The following DIPK1B variants were observed in gnomAD, a reference collection of about 807,000 sequenced individuals.
The protein encoded by DIPK1B is family with sequence similarity 69 member B.
Under a neutral mutation model 20.7 loss-of-function variants are expected in DIPK1B, and 17 were observed. The ratio of observed to expected loss-of-function variants is 0.82; its 90% CI spans 0.56 to 1.23. The LOEUF is 1.23. DIPK1B is among the 50% of genes most tolerant of loss of function. DIPK1B has a pLI of 0.00. For synonymous variants in DIPK1B, 343 were observed against 276.5 expected (o/e 1.24, Z -2.39); for missense variants, 648 against 601.8 (o/e 1.08, Z -0.80).
chr9:136,721,918 CAG>C lies in DIPK1B; in HGVS notation c.199-2_199-1del. The C allele has an allele frequency of 1.9e-6, 3 of 1,612,836 alleles. No individual in the cohort carries two copies. Among genetic ancestry groups the C allele is most frequent in the Non-Finnish European group, 2.5e-6 (3 of 1,179,824 alleles). Reference sequence around the variant, plus strand: ...CCCGGCACGCCTGCACCTGTCTCCTCAGTGTGACCAGTACCGCAAGGGGATCA... The same window carrying C: ...CCCGGCACGCCTGCACCTGTCTCCTCTGTGACCAGTACCGCAAGGGGATCA... On this transcript the variant is annotated splice_acceptor_variant, in intron 2 of 4. Coordinates refer to ENST00000371692, the MANE Select transcript of DIPK1B (RefSeq NM_152421.4). LOFTEE classifies it high-confidence loss of function.
rs889065415 is a variant in DIPK1B at position 136,724,454 on chromosome 9, A to T, written c.*680A>T. Among the ~76,000 whole-genome samples, 5 of 152,188 alleles carry T rather than the reference A, an allele frequency of 3.3e-5. No homozygotes were observed. Among genetic ancestry groups the T allele is most frequent in the African/African-American group, 1.2e-4 (5 of 41,446 alleles). On this transcript the variant is annotated 3_prime_UTR_variant, in exon 5 of 5. Transcript: ENST00000371692. Reference sequence around the variant, plus strand: ...GAATGGCCATCTTCTCCAGCCCCGTACGCTCTCCCCAGTAGCCCAGGGCAC... The same window carrying T: ...GAATGGCCATCTTCTCCAGCCCCGTTCGCTCTCCCCAGTAGCCCAGGGCAC...
intron 1 of DIPK1B, among the ~76,000 whole-genome samples, chr9:136,714,580 C>G (rs766337744): frequency 6.6e-6 from 1 of 152,226 alleles, no homozygotes; most frequent in Non-Finnish European, 1.5e-5. Flanking sequence ...TCACCCCAGA[C>G]GGAGCCATCC....
intron 1 of DIPK1B, among the ~76,000 whole-genome samples, chr9:136,713,431 G>T (rs986577829): frequency 6.6e-6 from 1 of 152,212 alleles, no homozygotes; most frequent in Non-Finnish European, 1.5e-5. Flanking sequence ...CCGCAGGGTG[G>T]TCCTGGGTCA....
intron 1 of DIPK1B, among the ~76,000 whole-genome samples, chr9:136,714,090 C>T (rs1452180883): frequency 1.3e-5 from 2 of 152,210 alleles, no homozygotes; most frequent in Admixed American, 6.5e-5. Context: ...CCAGGGTGGG[C>T]CAGGGAGCAC....
At chr9:136,717,972 T>C (rs988931408) in intron 2 of DIPK1B, among the ~76,000 whole-genome samples, 9 of 65,424 alleles carry the variant, frequency 1.4e-4, no homozygotes, top group African/African-American at 5.4e-4. Flanking sequence ...ACGTGGGGGC[T>C]GGGGGCAGAA....
At position 136,722,259 on chromosome 9, in the gene DIPK1B, C is replaced by T; in HGVS notation, c.441C>T (p.Thr147=). 1 of 1,613,874 alleles carries T rather than the reference C, an allele frequency of 6.2e-7. No individual in the cohort carries two copies. The highest frequency in any genetic ancestry group is 1.1e-5 in the South Asian group (1 of 91,080). The part of the protein sequence containing the change: ...LVLFDKPTRG[T]SIKEFREMTL... ...TGTTTGACAAGCCCACCCGGGGCAC[C>T]TCCATCAAGGAATTCCGGGAGATGA... The change falls in exon 4 of 5, where the codon ACC becomes ACT. Residue 147 remains threonine, a synonymous_variant. Coordinates refer to ENST00000371692, the MANE Select transcript of DIPK1B (RefSeq NM_152421.4).
chr9:136,719,728 C>A (rs147614991), intron 2 of DIPK1B, among the ~76,000 whole-genome samples: 1 of 152,336 alleles, frequency 6.6e-6, no homozygotes, highest in Non-Finnish European at 1.5e-5. Flanking sequence ...ATCTCCCCAC[C>A]CCTGGGGGAC....
Position 136,723,816 on chromosome 9 carries a change from A to C in DIPK1B, c.*42A>C, listed in dbSNP as rs777712279. ...CTGGCCACCCTTCCTGGAGCTGGCC[A>C]GGTGCCAGGGTCCAACCCTCCCTCA... On this transcript the variant is annotated 3_prime_UTR_variant, in exon 5 of 5. Coordinates refer to ENST00000371692, the MANE Select transcript of DIPK1B (RefSeq NM_152421.4). 2 of 1,516,340 alleles carry C rather than the reference A, an allele frequency of 1.3e-6. No individual in the cohort carries two copies. The highest frequency in any genetic ancestry group is 2.4e-5 in the South Asian group (2 of 82,720). 93.9% of individuals were successfully genotyped at this position (1,516,340 alleles called of 1,614,324 possible). A position where few individuals can be genotyped will look rare whatever the true frequency, so the allele number is the denominator to read the frequency against.
chr9:136,717,884 CA>C (rs1337903555), intron 2 of DIPK1B, among the ~76,000 whole-genome samples, 173 bp downstream of exon 2: 1 of 143,014 alleles, frequency 7.0e-6, no homozygotes, highest in African/African-American at 2.6e-5. Context: ...GACAGGGGTC[CA>C]GGGGAGGACG....
At position 136,722,990 on chromosome 9, in the gene DIPK1B, C is replaced by T. The variant is rs140488435; in HGVS notation, c.512C>T (p.Pro171Leu). 5.3e-4 allele frequency: 845 copies of T among 1,608,494 alleles called. No individual in the cohort carries two copies. The highest frequency in any genetic ancestry group is 6.9e-4 in the Non-Finnish European group (812 of 1,176,126). Reference protein sequence around the residue: ...KANLGDLPSLPALVGQVLLMA... With the variant: ...KANLGDLPSLLALVGQVLLMA... ...AACCTGGGAGACCTGCCTTCCCTGC[C>T]GGCGCTGGTTGGCCAGGTCCTGCTC... The change falls in exon 5 of 5, where the codon CCG becomes CTG. Residue 171 changes from proline to leucine, a missense_variant. Transcript: ENST00000371692.
Position 136,722,048 on chromosome 9 carries a change from G to A in DIPK1B, c.306+20G>A, listed in dbSNP as rs201790209. The A allele has an allele frequency of 1.0e-3, 1,623 of 1,613,180 alleles. 1 individual carries two copies. The highest frequency in any genetic ancestry group is 1.3e-3 in the Non-Finnish European group (1,516 of 1,179,842). On this transcript the variant is annotated intron_variant, in intron 3 of 4. Transcript: ENST00000371692. ...CAGCAGGTATAGCCACTGGCAGGGC[G>A]GGTGGGCCTGGGGCTGATACTGCCC...
intron 1 of DIPK1B, among the ~76,000 whole-genome samples, chr9:136,713,927 G>A (rs1031885929): frequency 6.6e-6 from 1 of 152,210 alleles, no homozygotes; most frequent in African/African-American, 2.4e-5. Context: ...CCACTGTGCT[G>A]TTCCCATCCC....
rs1021364634 is a variant in DIPK1B at position 136,724,224 on chromosome 9, A to G, written c.*450A>G. Among the ~76,000 whole-genome samples, 1 of 152,094 alleles carries G rather than the reference A, an allele frequency of 6.6e-6. No individual in the cohort carries two copies. The highest frequency in any genetic ancestry group is 6.5e-5 in the Admixed American group (1 of 15,274). On this transcript the variant is annotated 3_prime_UTR_variant, in exon 5 of 5. Coordinates refer to ENST00000371692, the MANE Select transcript of DIPK1B (RefSeq NM_152421.4). ...GAGCTGCCTGCCCTTCAACCCACAC[A>G]CACCTCTGAAGCCGCCAGGGCAGTT...
Position 136,723,651 on chromosome 9 carries a change from A to G in DIPK1B, c.1173A>G (p.Thr391=), listed in dbSNP as rs1445514970. The G allele has an allele frequency of 2.6e-6, 4 of 1,561,430 alleles. No homozygotes were observed. The highest frequency in any genetic ancestry group is 3.5e-6 in the Non-Finnish European group (4 of 1,156,074). ...APADLREELG[T]QLRTCTTLSG... ...CCGACCTCCGCGAGGAGCTGGGCAC[A>G]CAGCTGCGCACCTGTACCACGCTGA... Residue 391 remains threonine, a synonymous_variant, in exon 5 of 5, where the codon ACA becomes ACG. Coordinates refer to ENST00000371692, the MANE Select transcript of DIPK1B (RefSeq NM_152421.4).
chr9:136,715,537 C>T (rs1465508342), intron 1 of DIPK1B, among the ~76,000 whole-genome samples: 7 of 149,472 alleles, frequency 4.7e-5, no homozygotes, highest in South Asian at 4.2e-4. Context: ...TTTTTTGAGA[C>T]GGAGCCTCAC....
chr9:136,716,601 A>G lies in DIPK1B; in HGVS notation c.64-976A>G, dbSNP rs532360587. Among the ~76,000 whole-genome samples, 282 of 151,584 alleles carry G rather than the reference A, an allele frequency of 1.9e-3. 1 individual carries two copies. The highest frequency in any genetic ancestry group is 6.6e-3 in the African/African-American group (271 of 41,290). ...ATTTTTGTAGAGGCGGGGTTTCCCT[A>G]TGTTGCCCAGGATGGTCTCAAACTC... On this transcript the variant is annotated intron_variant, in intron 1 of 4. Coordinates refer to ENST00000371692, the MANE Select transcript of DIPK1B (RefSeq NM_152421.4).
rs746826792 is a variant in DIPK1B at position 136,721,908 on chromosome 9, C to T, written c.199-13C>T. 42 of 1,611,858 alleles carry T rather than the reference C, an allele frequency of 2.6e-5. No homozygotes were observed. The highest frequency in any genetic ancestry group is 3.6e-5 in the Non-Finnish European group (42 of 1,179,558). On this transcript the variant is annotated splice_polypyrimidine_tract_variant and intron_variant, in intron 2 of 4. Coordinates refer to ENST00000371692, the MANE Select transcript of DIPK1B (RefSeq NM_152421.4). ...GGCTGCCCCGCCCGGCACGCCTGCA[C>T]CTGTCTCCTCAGTGTGACCAGTACC...
At chr9:136,719,584 G>A (rs2131044149) in intron 2 of DIPK1B, among the ~76,000 whole-genome samples, 1 of 152,376 alleles carries the variant, frequency 6.6e-6, no homozygotes, top group Non-Finnish European at 1.5e-5. Flanking sequence ...GCGGGGAACA[G>A]GCTGGGCGGT....
At chr9:136,722,941 T>C (rs763212166) in intron 4 of DIPK1B, 21 bp from the exon 5 acceptor site, 4 of 1,583,026 alleles carry the variant, frequency 2.5e-6, no homozygotes, top group South Asian at 2.3e-5. Context: ...GCTTTTCCTT[T>C]CTTTTGGTCC....
Sources: allele counts gnomAD v4.1 joint callset (sites outside exome capture counted in the v4.1 genomes callset), GRCh38; gene constraint gnomAD v4.1.1; transcripts MANE v1.5; gene names NCBI Gene and HGNC (gene_info 2026-07-23, HGNC 2026-07-21).